CHST11: variants seen among roughly 807,000 people sequenced by gnomAD.
The protein encoded by CHST11 is carbohydrate sulfotransferase 11.
A neutral mutation model predicts 30.4 loss-of-function variants in CHST11; 9 were observed. The observed-to-expected ratio is 0.30, with a 90% CI of 0.18 to 0.52. The LOEUF (loss-of-function observed/expected upper bound fraction) is 0.52, where lower values mean the gene tolerates loss of function less well. Ranked by LOEUF, CHST11 falls within the 20% of genes least tolerant of loss-of-function variation. CHST11 has a pLI of 0.97. For synonymous variants in CHST11, 152 were observed against 187.8 expected, an observed-to-expected ratio of 0.81 and a Z score of 1.56; for missense variants, 348 against 460.6, an observed-to-expected ratio of 0.76 and a Z score of 2.24.
chr12:104,463,434 T>G (rs2037428161), intron 1 of CHST11, among the ~76,000 whole-genome samples: 1 of 152,144 alleles, frequency 6.6e-6, no homozygotes, highest in Non-Finnish European at 1.5e-5. Context: ...ATGTGAGTGA[T>G]TGAAACTTAC....
chr12:104,582,502 C>T (rs766311154), intron 1 of CHST11, among the ~76,000 whole-genome samples: 23 of 152,282 alleles, frequency 1.5e-4, no homozygotes, highest in Non-Finnish European at 3.1e-4. Flanking sequence ...CCCCAGGCCC[C>T]TGTTTTCATG....
chr12:104,592,094 C>T (rs1054037235), intron 1 of CHST11, among the ~76,000 whole-genome samples: 2 of 149,008 alleles, frequency 1.3e-5, no homozygotes, highest in African/African-American at 4.9e-5. Flanking sequence ...CTCCTCCCCT[C>T]CCCTCCCCTC....
At chr12:104,649,586 A>G (rs1334696344) in intron 2 of CHST11, among the ~76,000 whole-genome samples, 4 of 152,226 alleles carry the variant, frequency 2.6e-5, no homozygotes, top group Non-Finnish European at 5.9e-5. Context: ...AAGGGGGAGT[A>G]GGCGAACCAA....
rs151014480 is a variant in CHST11 at position 104,483,245 on chromosome 12, G to A, written c.118+25716G>A. Among the ~76,000 whole-genome samples, 114 of 152,154 alleles carry A rather than the reference G, an allele frequency of 7.5e-4. 2 individuals carry two copies. Among genetic ancestry groups the A allele is most frequent in the African/African-American group, 2.5e-3 (102 of 41,484 alleles). The stretch of plus-strand genomic sequence containing the variant: ...TGTTGAGATGGAGTCTTGCTCTGTC[G>A]CCCAGACTGGAGTGCAGTGACGTGA... On this transcript the variant is annotated intron_variant, in intron 1 of 2. Transcript: ENST00000303694.
chr12:104,587,957 A>T (rs2038822138), intron 1 of CHST11, among the ~76,000 whole-genome samples: 1 of 151,956 alleles, frequency 6.6e-6, no homozygotes, highest in Non-Finnish European at 1.5e-5. Flanking sequence ...AAAATTTCAA[A>T]TCAAATAAAT....
chr12:104,465,706 T>G (rs1432065622), intron 1 of CHST11, among the ~76,000 whole-genome samples: 1 of 152,148 alleles, frequency 6.6e-6, no homozygotes, highest in Admixed American at 6.5e-5. Flanking sequence ...CACCACCCAA[T>G]CCATGTGCGC....
intron 1 of CHST11, among the ~76,000 whole-genome samples, chr12:104,548,368 A>G (rs1378134469): frequency 6.6e-6 from 1 of 152,222 alleles, no homozygotes; most frequent in African/African-American, 2.4e-5. Flanking sequence ...AAATATTCCT[A>G]TCATGGCTGA....
At chr12:104,562,708 GGACCAGAAA>G (rs1394971643) in intron 1 of CHST11, among the ~76,000 whole-genome samples, 1 of 152,194 alleles carries the variant, frequency 6.6e-6, no homozygotes, top group African/African-American at 2.4e-5. Context: ...ATCTCACAGA[GGACCAGAAA>G]GCCTGCCTGC....
At chr12:104,647,534 A>AT (rs1184555653) in intron 2 of CHST11, among the ~76,000 whole-genome samples, 1 of 152,188 alleles carries the variant, frequency 6.6e-6, no homozygotes, top group Non-Finnish European at 1.5e-5. Flanking sequence ...AAAAATATAC[A>AT]TTTTTTTAAA....
chr12:104,480,151 T>C, intron 1 of CHST11, among the ~76,000 whole-genome samples: 1 of 152,176 alleles, frequency 6.6e-6, no homozygotes, highest in East Asian at 1.9e-4. Flanking sequence ...TTCAGGCCTA[T>C]CTTTCATAAA....
intron 1 of CHST11, among the ~76,000 whole-genome samples, chr12:104,543,869 C>T (rs2136003389): frequency 6.6e-6 from 1 of 152,100 alleles, no homozygotes; most frequent in East Asian, 1.9e-4. Flanking sequence ...AGGTATGCAC[C>T]TATAGTCCCA....
chr12:104,740,758 T>C (rs1592868426), intron 2 of CHST11, among the ~76,000 whole-genome samples: 1 of 152,214 alleles, frequency 6.6e-6, no homozygotes, highest in African/African-American at 2.4e-5. Flanking sequence ...CGGGTCTGTG[T>C]CCCTGCCATT....
At chr12:104,632,536 C>G (rs191205516) in intron 2 of CHST11, among the ~76,000 whole-genome samples, 34 of 152,334 alleles carry the variant, frequency 2.2e-4, no homozygotes, top group African/African-American at 7.5e-4. Flanking sequence ...AGAAAAGATT[C>G]TCTAACTGTG....
rs551310815 is a variant in CHST11 at position 104,458,815 on chromosome 12, C to G, written c.118+1286C>G. Among the ~76,000 whole-genome samples the G allele has an allele frequency of 9.2e-5, 14 of 152,206 alleles. No homozygotes were observed. The highest frequency in any genetic ancestry group is 2.0e-4 in the Admixed American group (3 of 15,288). On this transcript the variant is annotated intron_variant, in intron 1 of 2. Transcript: ENST00000303694. The surrounding 1 kb of genome is among the most constrained non-coding windows in gnomAD (Gnocchi z 5.7). Reference sequence around the variant, plus strand: ...TGGGGTTGGTGTTTTTCATTTTTGCCTCCCGCCTTCTCCTTTCACTGTGTA... The same window carrying G: ...TGGGGTTGGTGTTTTTCATTTTTGCGTCCCGCCTTCTCCTTTCACTGTGTA...
At chr12:104,715,837 G>A (rs1210240472) in intron 2 of CHST11, among the ~76,000 whole-genome samples, 1 of 152,190 alleles carries the variant, frequency 6.6e-6, no homozygotes, top group Non-Finnish European at 1.5e-5. Context: ...GCTGTTGTTG[G>A]AATAAATGAG....
intron 1 of CHST11, among the ~76,000 whole-genome samples, chr12:104,480,387 C>T (rs2135960301): frequency 6.6e-6 from 1 of 152,074 alleles, no homozygotes; most frequent in Admixed American, 6.6e-5. Flanking sequence ...ACCAGCCTGG[C>T]CAAGATGGTG....
intron 1 of CHST11, among the ~76,000 whole-genome samples, chr12:104,524,116 G>A (rs2038101035): frequency 6.9e-6 from 1 of 145,152 alleles, no homozygotes; most frequent in South Asian, 2.2e-4. Context: ...ATTAGTTACT[G>A]ACCCAAAGTA....
intron 1 of CHST11, among the ~76,000 whole-genome samples, chr12:104,511,861 T>G (rs1221208802): frequency 6.6e-6 from 1 of 152,144 alleles, no homozygotes; most frequent in African/African-American, 2.4e-5. Context: ...CATGGGGGAT[T>G]GGTTCCAGGA....
At chr12:104,486,230 A>C (rs61937673) in intron 1 of CHST11, among the ~76,000 whole-genome samples, 2,506 of 151,924 alleles carry the variant, frequency 0.016, 23 homozygotes, top group Middle Eastern at 0.035. Flanking sequence ...TCTCCAGCAG[A>C]TGTATACCAG....
Sources: allele counts gnomAD v4.1 joint callset (sites outside exome capture counted in the v4.1 genomes callset), GRCh38; gene constraint gnomAD v4.1.1; non-coding constraint Gnocchi (gnomAD v3.1); transcripts MANE v1.5; gene names NCBI Gene and HGNC (gene_info 2026-07-23, HGNC 2026-07-21).